The following EDA variants were observed in gnomAD, a reference collection of about 807,000 sequenced individuals.
The protein encoded by EDA is ectodysplasin A.
In EDA, 2 loss-of-function variants were observed where a neutral mutation model predicts 23.6. That is an observed-to-expected ratio of 0.08 (90% CI 0.03 to 0.27). The LOEUF is 0.27. Among genes scored for constraint, EDA ranks in the 10% least tolerant of loss-of-function variants. The pLI is 1.00. For missense variants in EDA, 229 were observed against 324.2 expected (o/e 0.71, Z 2.26); for synonymous variants, 131 against 132.0 (o/e 0.99, Z 0.05).
At chrX:69,940,314 G>A (rs1315993651) in intron 1 of EDA, among the ~76,000 whole-genome samples, 1 of 110,879 alleles carries the variant, frequency 9.0e-6, no homozygotes, top group African/African-American at 3.3e-5. Flanking sequence ...GTTCAATCTT[G>A]GTAGGTTGTA....
intron 1 of EDA, among the ~76,000 whole-genome samples, chrX:69,754,727 A>T (rs751051325): frequency 9.0e-6 from 1 of 111,679 alleles, no homozygotes; most frequent in African/African-American, 3.3e-5. Context: ...GTCTTTTCAC[A>T]TAGTCCCATA....
intron 2 of EDA, among the ~76,000 whole-genome samples, chrX:69,974,024 A>AATAT (rs746330034): frequency 0.012 from 1,277 of 107,148 alleles, 19 homozygotes; most frequent in African/African-American, 0.041. Flanking sequence ...ACTAACTTTA[A>AATAT]ATATATATAT....
At chrX:69,765,955 T>G (rs2014457792) in intron 1 of EDA, among the ~76,000 whole-genome samples, 1 of 112,200 alleles carries the variant, frequency 8.9e-6, no homozygotes, top group African/African-American at 3.2e-5. Context: ...TTCTAGCATA[T>G]TAAAGAAAAA....
intron 1 of EDA, among the ~76,000 whole-genome samples, chrX:69,924,079 G>A (rs2018476981): frequency 9.0e-6 from 1 of 111,092 alleles, no homozygotes; most frequent in African/African-American, 3.3e-5. Flanking sequence ...TTTGTCAGAT[G>A]GGTAGATCGC....
At chrX:69,787,417 T>C (rs143131006) in intron 1 of EDA, among the ~76,000 whole-genome samples, 38,490 of 104,756 alleles carry the variant, frequency 0.37, 7,228 homozygotes, top group Middle Eastern at 0.63. Flanking sequence ...CATGATTTTG[T>C]GGTGGCTGGT....
intron 2 of EDA, among the ~76,000 whole-genome samples, chrX:69,997,630 G>A (rs1172226236): frequency 8.9e-6 from 1 of 112,682 alleles, no homozygotes; most frequent in East Asian, 2.8e-4. Flanking sequence ...TGTCTCCAGG[G>A]CATCTCAGAG....
At chrX:69,905,674 G>T (rs963773682) in intron 1 of EDA, among the ~76,000 whole-genome samples, 1 of 111,622 alleles carries the variant, frequency 9.0e-6, no homozygotes, top group Non-Finnish European at 1.9e-5. Context: ...AACTATGGTA[G>T]TTAGAAAATG....
intron 1 of EDA, among the ~76,000 whole-genome samples, chrX:69,855,529 A>G (rs956250956): frequency 2.7e-5 from 3 of 112,206 alleles, no homozygotes; most frequent in South Asian, 3.6e-4. Flanking sequence ...AATCTTCTGC[A>G]TATGGCTAGA....
chrX:69,755,396 A>T (rs1159337534), intron 1 of EDA, among the ~76,000 whole-genome samples: 1 of 111,264 alleles, frequency 9.0e-6, no homozygotes, highest in Non-Finnish European at 1.9e-5. Flanking sequence ...TAGAATGGAA[A>T]ATGTTGCTGC....
Position 69,663,724 on chromosome X carries a change from A to T in EDA, c.396+47020A>T, listed in dbSNP as rs181075797. 3.6e-3 allele frequency among the ~76,000 whole-genome samples: 401 copies of T among 111,788 alleles called. 2 individuals carry two copies. Among genetic ancestry groups the T allele is most frequent in the Middle Eastern group, 4.6e-3 (1 of 216 alleles). ...CTGTGTACCTAGAAAAGCCACAGACACTCAACGCCACCCTGTTAAAGCAGC... is the reference window on the plus strand; with the variant it reads ...CTGTGTACCTAGAAAAGCCACAGACTCTCAACGCCACCCTGTTAAAGCAGC... On this transcript the variant is annotated intron_variant, in intron 1 of 7. Transcript: ENST00000374552.
intron 2 of EDA, among the ~76,000 whole-genome samples, chrX:70,014,034 G>A (rs953435910): frequency 5.4e-5 from 6 of 112,052 alleles, no homozygotes; most frequent in African/African-American, 1.9e-4. Flanking sequence ...CAAGTGGCAG[G>A]CCCTCTGCCA....
intron 1 of EDA, among the ~76,000 whole-genome samples, chrX:69,894,986 T>C (rs993397076): frequency 1.8e-5 from 2 of 111,514 alleles, no homozygotes; most frequent in Admixed American, 1.9e-4. Context: ...TGTCTTGTTC[T>C]GGTTTTCAAG....
At chrX:69,746,901 A>C (rs906696224) in intron 1 of EDA, among the ~76,000 whole-genome samples, 2 of 111,277 alleles carry the variant, frequency 1.8e-5, no homozygotes, top group African/African-American at 6.5e-5. Flanking sequence ...CAGTATAGCA[A>C]TAGAGAAGGG....
chrX:69,786,433 T>G, intron 1 of EDA, among the ~76,000 whole-genome samples: 1 of 105,614 alleles, frequency 9.5e-6, no homozygotes, highest in Middle Eastern at 4.7e-3. Flanking sequence ...CATTTAGTGC[T>G]ATAAATTTCC....
intron 1 of EDA, among the ~76,000 whole-genome samples, chrX:69,690,809 G>T (rs1408419960): frequency 1.8e-5 from 2 of 111,715 alleles, no homozygotes; most frequent in Non-Finnish European, 3.8e-5. Context: ...TCAATCACTT[G>T]TTTTAGGTCT....
At chrX:69,765,380 C>T (rs192300589) in intron 1 of EDA, among the ~76,000 whole-genome samples, 1 of 111,602 alleles carries the variant, frequency 9.0e-6, no homozygotes, top group African/African-American at 3.2e-5. Flanking sequence ...TTAGAGTAAC[C>T]CTTAGTTCCA....
intron 2 of EDA, among the ~76,000 whole-genome samples, chrX:70,016,449 A>G (rs1402467413): frequency 1.8e-5 from 2 of 111,513 alleles, no homozygotes; most frequent in Non-Finnish European, 3.8e-5. Flanking sequence ...TCTTATCTGC[A>G]CATAGCATAT....
chrX:69,869,075 G>A (rs1009137207), intron 1 of EDA, among the ~76,000 whole-genome samples: 2 of 111,752 alleles, frequency 1.8e-5, no homozygotes, highest in African/African-American at 3.3e-5. Flanking sequence ...TTTACTATTC[G>A]TCTAGGTAGA....
chrX:69,789,129 C>T (rs1018979956), intron 1 of EDA, among the ~76,000 whole-genome samples: 1 of 112,342 alleles, frequency 8.9e-6, no homozygotes, highest in African/African-American at 3.2e-5. Context: ...CCAAGTGAGG[C>T]AATGCCTCGC....
Sources: gnomAD v4.1 joint callset for allele counts (sites outside exome capture counted in the v4.1 genomes callset) on GRCh38, gnomAD v4.1.1 for gene constraint, MANE v1.5 for transcripts, NCBI Gene and HGNC (gene_info 2026-07-23, HGNC 2026-07-21) for gene names.